The following ZNF92 variants were observed in gnomAD, a reference collection of about 807,000 sequenced individuals.
The protein encoded by ZNF92 is epididymis luminal protein 203.
In ZNF92, 11 loss-of-function variants were observed where a neutral mutation model predicts 12.4. The observed-to-expected ratio is 0.89, with a 90% CI of 0.56 to 1.47. The LOEUF (loss-of-function observed/expected upper bound fraction) is 1.47, where lower values mean the gene tolerates loss of function less well. Among genes scored for constraint, ZNF92 ranks in the 40% most tolerant of loss-of-function variants. ZNF92 has a pLI of 0.00. For synonymous variants in ZNF92, 206 were observed against 228.6 expected (o/e 0.90, Z 0.89); for missense variants, 622 against 681.0 (o/e 0.91, Z 0.96).
chr7:65,386,679 G>C (rs1793573381), intron 1 of ZNF92, among the ~76,000 whole-genome samples: 1 of 152,024 alleles, frequency 6.6e-6, no homozygotes, highest in South Asian at 2.1e-4. Context: ...AAAAATTGCA[G>C]AACATGGGAG....
chr7:65,381,038 G>C (rs944826691), intron 1 of ZNF92, among the ~76,000 whole-genome samples: 4 of 151,762 alleles, frequency 2.6e-5, no homozygotes, highest in African/African-American at 9.7e-5. Context: ...TTTGGAGATG[G>C]AGTCTCGCTC....
In ZNF92 at chr7:65,393,784, A is replaced by G. The variant is rs538100712; in HGVS notation, c.227-4557A>G. On this transcript the variant is annotated intron_variant, in intron 3 of 3. Coordinates refer to ENST00000328747, the MANE Select transcript of ZNF92 (RefSeq NM_152626.4). ...TCTGTCCTTTCAAATGCTTTTTCCC[A>G]TGTATATATATCTCTTGATAAAGAT... Among the ~76,000 whole-genome samples, 11 of 152,160 alleles carry G rather than the reference A, an allele frequency of 7.2e-5. No individual in the cohort carries two copies. In the East Asian group the frequency reaches 2.1e-3, roughly 29 times the overall value.
chr7:65,400,997 A>C lies in ZNF92; in HGVS notation c.*1122A>C, dbSNP rs1446645053. ...CATGTTCAGACTAACATTCTTTTGC[A>C]GTATAGTGAGAAAAAAACATTTTAA... On this transcript the variant is annotated 3_prime_UTR_variant, in exon 4 of 4. Coordinates refer to ENST00000328747, the MANE Select transcript of ZNF92 (RefSeq NM_152626.4). 1.3e-5 allele frequency: 2 copies of C among 152,026 alleles called. No individual in the cohort carries two copies. The highest frequency in any genetic ancestry group is 4.8e-5 in the African/African-American group (2 of 41,380). The allele number at this position is 152,026 out of a possible 1,614,324, so 9.4% of individuals were successfully genotyped here.
intron 1 of ZNF92, among the ~76,000 whole-genome samples, chr7:65,387,004 A>G (rs1793585970): frequency 6.7e-6 from 1 of 150,046 alleles, no homozygotes; most frequent in Admixed American, 6.7e-5. Context: ...CAATGGCGCA[A>G]TCTCGGCTCA....
At chr7:65,377,659 C>T (rs534328464) in intron 1 of ZNF92, among the ~76,000 whole-genome samples, 113 of 151,966 alleles carry the variant, frequency 7.4e-4, no homozygotes, top group South Asian at 3.9e-3. Flanking sequence ...CTCCGCCTCC[C>T]GGGTTCAAGT....
intron 3 of ZNF92, among the ~76,000 whole-genome samples, chr7:65,390,176 A>C (rs554333649): frequency 6.6e-6 from 1 of 152,136 alleles, no homozygotes; most frequent in Non-Finnish European, 1.5e-5. Context: ...ATTTATTATT[A>C]GTTTAGACAT....
At chr7:65,390,781 G>A (rs138708558) in intron 3 of ZNF92, among the ~76,000 whole-genome samples, 3,215 of 152,258 alleles carry the variant, frequency 0.021, 58 homozygotes, top group Admixed American at 0.046. Flanking sequence ...GTGGCTCAGA[G>A]AGTTGGAACT....
Position 65,397,072 on chromosome 7 carries a change from G to T in ZNF92, c.227-1269G>T, listed in dbSNP as rs548993149. Among the ~76,000 whole-genome samples, 77 of 151,612 alleles carry T rather than the reference G, an allele frequency of 5.1e-4. 2 individuals are homozygous for T. Among genetic ancestry groups the T allele is most frequent in the African/African-American group, 1.8e-3 (73 of 41,290 alleles). On this transcript the variant is annotated intron_variant, in intron 3 of 3. Coordinates refer to ENST00000328747, the MANE Select transcript of ZNF92 (RefSeq NM_152626.4). ...GAATATATTGATTTAATTGATGGTG[G>T]CCAGTAAGTTTTACCTTCTGTGTTA...
At chr7:65,388,136 C>A in intron 2 of ZNF92, 108 bp downstream of exon 2, 1 of 1,255,806 alleles carries the variant, frequency 8.0e-7, no homozygotes, top group Non-Finnish European at 1.1e-6. Flanking sequence ...GTTTCAGATC[C>A]CAGTTTTCAA....
intron 3 of ZNF92, among the ~76,000 whole-genome samples, chr7:65,392,756 C>T (rs1464877691): frequency 1.3e-5 from 2 of 151,818 alleles, no homozygotes; most frequent in Non-Finnish European, 2.9e-5. Flanking sequence ...GGCTGTTCTC[C>T]ACCTCCCGAC....
At chr7:65,378,337 T>G (rs1793306276) in intron 1 of ZNF92, among the ~76,000 whole-genome samples, 1 of 151,396 alleles carries the variant, frequency 6.6e-6, no homozygotes, top group South Asian at 2.1e-4. Flanking sequence ...TGTTTTACCT[T>G]GAAGTCAGTA....
At chr7:65,382,162 A>G (rs746888802) in intron 1 of ZNF92, among the ~76,000 whole-genome samples, 1 of 152,046 alleles carries the variant, frequency 6.6e-6, no homozygotes, top group Non-Finnish European at 1.5e-5. Flanking sequence ...AACTATGTAT[A>G]ACATGGTACT....
At chr7:65,382,920 T>A (rs1386066779) in intron 1 of ZNF92, among the ~76,000 whole-genome samples, 1 of 152,094 alleles carries the variant, frequency 6.6e-6, no homozygotes, top group Non-Finnish European at 1.5e-5. Flanking sequence ...CTCTCTCCTT[T>A]GAGCTATGTA....
chr7:65,399,457 T>G lies in ZNF92; in HGVS notation c.1343T>G (p.Met448Arg), dbSNP rs1793949883. ...TTTACTAAACATAAGAGAAATCATA[T>G]GGAAGATAAACCCTACAAATGTGAA... ...SAFTKHKRNH[M>R]EDKPYKCEEC... Residue 448 changes from methionine (M) to arginine (R), a missense_variant, in exon 4 of 4, where the codon ATG becomes AGG. Met to Arg is a moderately conservative substitution (Grantham distance 91, BLOSUM62 -1). Coordinates refer to ENST00000328747, the MANE Select transcript of ZNF92 (RefSeq NM_152626.4). 1 of 1,610,090 alleles carries G rather than the reference T, an allele frequency of 6.2e-7. No homozygotes were observed. Among genetic ancestry groups the G allele is most frequent in the South Asian group, 1.1e-5 (1 of 90,886 alleles).
At chr7:65,378,427 G>A (rs969374382) in intron 1 of ZNF92, among the ~76,000 whole-genome samples, 1 of 152,026 alleles carries the variant, frequency 6.6e-6, no homozygotes. Flanking sequence ...TTGGTGGGAA[G>A]GAGATAAGTA....
intron 1 of ZNF92, among the ~76,000 whole-genome samples, chr7:65,376,323 A>G (rs1228855507): frequency 6.6e-6 from 1 of 152,116 alleles, no homozygotes; most frequent in Non-Finnish European, 1.5e-5. Flanking sequence ...GGTAAGACAT[A>G]TTTACAAAGG....
At chr7:65,386,057 T>TCACCCAGGCTGGAGTGCAGCGGC (rs1384128756) in intron 1 of ZNF92, among the ~76,000 whole-genome samples, 5 of 152,078 alleles carry the variant, frequency 3.3e-5, no homozygotes, top group African/African-American at 1.2e-4. Flanking sequence ...TCTCACTCTG[T>TCACCCAGGCTGGAGTGCAGCGGC]CACCCAGGCT....
intron 1 of ZNF92, among the ~76,000 whole-genome samples, chr7:65,387,001 G>T (rs1369616594): frequency 1.4e-5 from 2 of 147,888 alleles, no homozygotes; most frequent in Non-Finnish European, 3.0e-5. Flanking sequence ...GTGCAATGGC[G>T]CAATCTCGGC....
chr7:65,378,399 TAGCTCAA>T (rs1793307857), intron 1 of ZNF92, among the ~76,000 whole-genome samples: 1 of 151,964 alleles, frequency 6.6e-6, no homozygotes, highest in Non-Finnish European at 1.5e-5. Flanking sequence ...AGACTGAAGG[TAGCTCAA>T]AGCGCAGGAG....
Sources: gnomAD v4.1 joint callset for allele counts (sites outside exome capture counted in the v4.1 genomes callset) on GRCh38, gnomAD v4.1.1 for gene constraint, MANE v1.5 for transcripts, NCBI Gene and HGNC (gene_info 2026-07-23, HGNC 2026-07-21) for gene names.